The following KCNIP1 variants were observed in gnomAD, a reference collection of about 807,000 sequenced individuals.
KCNIP1 encodes potassium voltage-gated channel interacting protein 1.
A neutral mutation model predicts 33.0 loss-of-function variants in KCNIP1; 18 were observed. The ratio of observed to expected loss-of-function variants is 0.55; its 90% CI spans 0.38 to 0.81. The LOEUF (loss-of-function observed/expected upper bound fraction) is 0.81, where lower values mean the gene tolerates loss of function less well. Ranked by LOEUF, KCNIP1 falls within the 30% of genes least tolerant of loss-of-function variation. The pLI, the probability that KCNIP1 is intolerant of heterozygous loss-of-function variation, is 0.00. For synonymous variants in KCNIP1, 93 were observed against 98.3 expected (o/e 0.95, Z 0.32); for missense variants, 238 against 271.6 (o/e 0.88, Z 0.87).
chr5:170,505,866 G>A (rs1754695875), intron 1 of KCNIP1, among the ~76,000 whole-genome samples: 1 of 152,210 alleles, frequency 6.6e-6, no homozygotes, highest in Non-Finnish European at 1.5e-5. Context: ...CTAGAACATA[G>A]GAAGAGGCTT....
At chr5:170,675,855 C>A (rs1480737742) in intron 1 of KCNIP1, among the ~76,000 whole-genome samples, 1 of 152,014 alleles carries the variant, frequency 6.6e-6, no homozygotes, top group East Asian at 1.9e-4. Context: ...ATTGTTTCAA[C>A]AAATATTTAT....
intron 1 of KCNIP1, among the ~76,000 whole-genome samples, chr5:170,640,854 T>G (rs1760518422): frequency 6.6e-6 from 1 of 152,108 alleles, no homozygotes; most frequent in African/African-American, 2.4e-5. Flanking sequence ...TGGCATGGGA[T>G]AAACAGAATC....
At chr5:170,364,019 G>A (rs1228041825) in intron 1 of KCNIP1, among the ~76,000 whole-genome samples, 10 of 96,844 alleles carry the variant, frequency 1.0e-4, no homozygotes, top group African/African-American at 4.0e-4. Context: ...TTTTTTTTTT[G>A]AGATAGGGTC....
intron 1 of KCNIP1, among the ~76,000 whole-genome samples, chr5:170,715,072 T>C (rs909500290): frequency 4.6e-5 from 7 of 152,214 alleles, no homozygotes; most frequent in African/African-American, 1.7e-4. Flanking sequence ...CATTTTTTAT[T>C]TTTTACACCT....
intron 1 of KCNIP1, among the ~76,000 whole-genome samples, chr5:170,663,908 T>A (rs1403420458): frequency 9.2e-6 from 1 of 108,940 alleles, no homozygotes; most frequent in Non-Finnish European, 1.8e-5. Flanking sequence ...CCTTCCACCA[T>A]CCTTTCTATA....
chr5:170,466,581 C>G (rs995774549), intron 1 of KCNIP1, among the ~76,000 whole-genome samples: 1 of 152,108 alleles, frequency 6.6e-6, no homozygotes, highest in South Asian at 2.1e-4. Context: ...AACAAAGTAC[C>G]ATAGCCTGAG....
At chr5:170,519,612 G>A (rs931091226) in intron 1 of KCNIP1, among the ~76,000 whole-genome samples, 1 of 152,158 alleles carries the variant, frequency 6.6e-6, no homozygotes, top group Non-Finnish European at 1.5e-5. Flanking sequence ...TGTCTCCGAG[G>A]CAGCACAGGA....
At chr5:170,720,841 T>G (rs1415112006) in intron 3 of KCNIP1, among the ~76,000 whole-genome samples, 1 of 152,240 alleles carries the variant, frequency 6.6e-6, no homozygotes, top group Non-Finnish European at 1.5e-5. Flanking sequence ...CAAGCTGGAA[T>G]TTTGTAAAAG....
intron 5 of KCNIP1, among the ~76,000 whole-genome samples, chr5:170,732,034 A>G (rs1422979): frequency 0.14 from 21,739 of 152,116 alleles, 2,081 homozygotes; most frequent in African/African-American, 0.27. Flanking sequence ...AGTGAAAGGT[A>G]TGCATGAACT....
chr5:170,514,180 G>GCC (rs1755039604), intron 1 of KCNIP1, among the ~76,000 whole-genome samples: 1 of 152,264 alleles, frequency 6.6e-6, no homozygotes, highest in South Asian at 2.1e-4. Context: ...CCTCCTCTTG[G>GCC]CCCCATCAGC....
chr5:170,662,652 C>T (rs1317357891), intron 1 of KCNIP1, among the ~76,000 whole-genome samples: 3 of 152,222 alleles, frequency 2.0e-5, no homozygotes, highest in Admixed American at 2.0e-4. Flanking sequence ...ATCTCAAAGC[C>T]TACTTAAGAG....
At chr5:170,702,190 G>A (rs755562878) in intron 1 of KCNIP1, among the ~76,000 whole-genome samples, 7 of 152,184 alleles carry the variant, frequency 4.6e-5, no homozygotes, top group Non-Finnish European at 1.0e-4. Context: ...CCAGTGCCTA[G>A]AAGAGTGCTT....
At chr5:170,687,084 T>C (rs1025146311) in intron 1 of KCNIP1, among the ~76,000 whole-genome samples, 1 of 152,146 alleles carries the variant, frequency 6.6e-6, no homozygotes, top group Non-Finnish European at 1.5e-5. Context: ...CTATGTCCCA[T>C]GCCCTCTGGA....
At chr5:170,684,178 C>T (rs4867627) in intron 1 of KCNIP1, among the ~76,000 whole-genome samples, 216 of 152,276 alleles carry the variant, frequency 1.4e-3, no homozygotes, top group Non-Finnish European at 2.7e-3. Context: ...CTCTTTTTCT[C>T]CCTAGCTTTC....
At chr5:170,512,200 A>T (rs1349868466) in intron 1 of KCNIP1, among the ~76,000 whole-genome samples, 1 of 152,258 alleles carries the variant, frequency 6.6e-6, no homozygotes, top group Non-Finnish European at 1.5e-5. Context: ...ATTGCCTGTC[A>T]GTGAAGATAG....
intron 1 of KCNIP1, among the ~76,000 whole-genome samples, chr5:170,443,351 T>C (rs1756037196): frequency 6.6e-6 from 1 of 152,018 alleles, no homozygotes; most frequent in African/African-American, 2.4e-5. Flanking sequence ...GGGGAGGGCT[T>C]GGAAACCAAA....
chr5:170,555,969 C>A (rs935243933), intron 1 of KCNIP1, among the ~76,000 whole-genome samples: 1 of 152,200 alleles, frequency 6.6e-6, no homozygotes, highest in Non-Finnish European at 1.5e-5. Flanking sequence ...CCCTCTGAAC[C>A]AGCCTCCTGC....
At chr5:170,567,033 G>T (rs1432622523) in intron 1 of KCNIP1, among the ~76,000 whole-genome samples, 1 of 152,206 alleles carries the variant, frequency 6.6e-6, no homozygotes, top group Non-Finnish European at 1.5e-5. Context: ...GCTAGAAACA[G>T]AAATGCATAA....
intron 1 of KCNIP1, among the ~76,000 whole-genome samples, chr5:170,411,562 G>T (rs1310094674): frequency 6.6e-6 from 1 of 152,172 alleles, no homozygotes; most frequent in Non-Finnish European, 1.5e-5. Flanking sequence ...TAAAGGAAAG[G>T]TCTTAAATGC....
Sources: allele counts gnomAD v4.1 joint callset (sites outside exome capture counted in the v4.1 genomes callset), GRCh38; gene constraint gnomAD v4.1.1; transcripts MANE v1.5; gene names NCBI Gene and HGNC (gene_info 2026-07-23, HGNC 2026-07-21).